The following CMIP variants were observed in gnomAD, a reference collection of about 807,000 sequenced individuals.
CMIP encodes C-Maf-inducing protein.
Under a neutral mutation model 97.3 loss-of-function variants are expected in CMIP, and 13 were observed. That is an observed-to-expected ratio of 0.13 (90% confidence interval 0.09 to 0.21). CMIP has a LOEUF of 0.21. CMIP is among the 10% of genes least tolerant of loss of function. The pLI is 1.00. For synonymous variants in CMIP, 538 were observed against 436.3 expected (o/e 1.23, Z -2.91); for missense variants, 847 against 1,024.9 (o/e 0.83, Z 2.37).
At chr16:81,500,430 CCTCT>C (rs1225346969) in intron 1 of CMIP, among the ~76,000 whole-genome samples, 6 of 125,924 alleles carry the variant, frequency 4.8e-5, no homozygotes, top group Non-Finnish European at 8.5e-5. Context: ...CCCCTCCCTC[CCTCT>C]CTCTCTCTCC....
chr16:81,497,613 G>C (rs572327976), intron 1 of CMIP, among the ~76,000 whole-genome samples: 1 of 152,216 alleles, frequency 6.6e-6, no homozygotes. Flanking sequence ...CCCAGGCCTC[G>C]GCAGACTGGC....
At chr16:81,566,649 A>G (rs1451169564) in intron 1 of CMIP, among the ~76,000 whole-genome samples, 1 of 152,202 alleles carries the variant, frequency 6.6e-6, no homozygotes, top group Admixed American at 6.5e-5. Flanking sequence ...TCTACTCCCA[A>G]TTCTGTTCCC....
intron 1 of CMIP, among the ~76,000 whole-genome samples, chr16:81,525,264 C>T (rs1239209381): frequency 6.6e-6 from 1 of 152,034 alleles, no homozygotes; most frequent in Admixed American, 6.5e-5. Context: ...ATGTCTCAGC[C>T]TCCCAAGTAG....
At position 81,699,768 on chromosome 16, in the gene CMIP, C is replaced by T. The variant is rs777912347; in HGVS notation, c.1722C>T (p.Leu574=). ...LAENKLGPCM[L]LALRGNQTMV... ...AAAACAAGCTGGGTCCCTGCATGCT[C>T]CTGGCACTGAGGGGGAACCAGACCA... The change falls in exon 15 of 21, where the codon CTC becomes CTT. Residue 574 remains leucine (L), a synonymous_variant. Coordinates refer to ENST00000537098, the MANE Select transcript of CMIP (RefSeq NM_198390.3). 9 of 1,613,546 alleles carry T rather than the reference C, an allele frequency of 5.6e-6. No homozygotes were observed. Among genetic ancestry groups the T allele is most frequent in the African/African-American group, 1.3e-5 (1 of 75,024 alleles).
At chr16:81,517,840 G>C in intron 1 of CMIP, 1 of 571,542 alleles carries the variant, frequency 1.7e-6, no homozygotes. Flanking sequence ...GACGTTCTCT[G>C]GAGGCTTGGG....
chr16:81,639,953 A>T (rs2092284073), intron 3 of CMIP, among the ~76,000 whole-genome samples: 1 of 152,176 alleles, frequency 6.6e-6, no homozygotes, highest in South Asian at 2.1e-4. Context: ...AGCTGGTGTG[A>T]TGGTGGCTGC....
chr16:81,543,331 G>A (rs953965648), intron 1 of CMIP, among the ~76,000 whole-genome samples: 2 of 152,166 alleles, frequency 1.3e-5, no homozygotes, highest in African/African-American at 2.4e-5. Context: ...GCCGGAGAGC[G>A]CTCTTTGTTG....
chr16:81,644,407 G>C (rs1206734761), intron 3 of CMIP, among the ~76,000 whole-genome samples: 1 of 152,244 alleles, frequency 6.6e-6, no homozygotes, highest in Non-Finnish European at 1.5e-5. Flanking sequence ...TCTCTGTGGG[G>C]AGTGCACCAG....
At chr16:81,481,558 C>T (rs921363705) in intron 1 of CMIP, among the ~76,000 whole-genome samples, 4 of 152,154 alleles carry the variant, frequency 2.6e-5, no homozygotes, top group Non-Finnish European at 4.4e-5. Flanking sequence ...AGGGCCAGAG[C>T]GGCTCCCAGA....
chr16:81,604,052 T>C (rs1161750305), intron 1 of CMIP, among the ~76,000 whole-genome samples: 1 of 152,238 alleles, frequency 6.6e-6, no homozygotes, highest in Non-Finnish European at 1.5e-5. Flanking sequence ...AGTCTGCTTT[T>C]GGCCAAATGC....
chr16:81,551,745 G>T (rs190800830), intron 1 of CMIP, among the ~76,000 whole-genome samples: 14 of 152,336 alleles, frequency 9.2e-5, no homozygotes, highest in Non-Finnish European at 1.5e-4. Context: ...CATCATAGGG[G>T]TCTGTGTCCA....
At chr16:81,525,789 C>T (rs1042362777) in intron 1 of CMIP, among the ~76,000 whole-genome samples, 3 of 152,208 alleles carry the variant, frequency 2.0e-5, no homozygotes, top group African/African-American at 7.2e-5. Flanking sequence ...TACTCCCGAC[C>T]CCTGGCAATC....
chr16:81,644,391 A>C (rs757182963), intron 3 of CMIP, among the ~76,000 whole-genome samples: 1 of 152,182 alleles, frequency 6.6e-6, no homozygotes, highest in Non-Finnish European at 1.5e-5. Flanking sequence ...TGTTTGACCC[A>C]GGGTGTCTCT....
intron 1 of CMIP, among the ~76,000 whole-genome samples, chr16:81,530,709 C>T (rs776082048): frequency 7.2e-5 from 11 of 152,122 alleles, no homozygotes; most frequent in Non-Finnish European, 1.2e-4. Flanking sequence ...TCTGTGTCAC[C>T]GGGTAGTGGA....
At chr16:81,528,632 A>T (rs1308847386) in intron 1 of CMIP, among the ~76,000 whole-genome samples, 1 of 152,148 alleles carries the variant, frequency 6.6e-6, no homozygotes, top group Admixed American at 6.5e-5. Context: ...CATTGGTTTG[A>T]GGTCACAGCT....
intron 10 of CMIP, among the ~76,000 whole-genome samples, chr16:81,682,974 G>A (rs1337744346): frequency 1.3e-5 from 2 of 152,210 alleles, no homozygotes; most frequent in Non-Finnish European, 2.9e-5. Flanking sequence ...GAAGAGCTTT[G>A]GGATTTGTAG....
chr16:81,544,444 G>GTA (rs2090505756), intron 1 of CMIP, among the ~76,000 whole-genome samples: 1 of 151,714 alleles, frequency 6.6e-6, no homozygotes, highest in African/African-American at 2.4e-5. Flanking sequence ...GTGTGTGTGT[G>GTA]CGCGCACACA....
At chr16:81,487,064 C>G (rs1452775850) in intron 1 of CMIP, among the ~76,000 whole-genome samples, 1 of 152,036 alleles carries the variant, frequency 6.6e-6, no homozygotes, top group Non-Finnish European at 1.5e-5. Context: ...CACCAGGCCT[C>G]GGAGAAACAG....
chr16:81,583,459 C>G (rs2091329986), intron 1 of CMIP, among the ~76,000 whole-genome samples: 1 of 152,218 alleles, frequency 6.6e-6, no homozygotes, highest in Non-Finnish European at 1.5e-5. Context: ...TCAGTTAGTG[C>G]CCGAATTTGC....
Sources: gnomAD v4.1 joint callset for allele counts (sites outside exome capture counted in the v4.1 genomes callset) on GRCh38, gnomAD v4.1.1 for gene constraint, MANE v1.5 for transcripts, NCBI Gene and HGNC (gene_info 2026-07-23, HGNC 2026-07-21) for gene names.